Variants in EPB41L4B observed in about 807,000 individuals in gnomAD.
EPB41L4B encodes the protein band 4.1-like protein 4B.
In EPB41L4B, 30 loss-of-function variants were observed where a neutral mutation model predicts 112.5. The ratio of observed to expected loss-of-function variants is 0.27; its 90% CI spans 0.20 to 0.36. EPB41L4B has a LOEUF of 0.36. EPB41L4B is among the 10% of genes least tolerant of loss of function. EPB41L4B has a pLI of 1.00. For synonymous variants in EPB41L4B, 408 were observed against 439.7 expected (o/e 0.93, Z 0.90); for missense variants, 1,024 against 1,133.3 (o/e 0.90, Z 1.38).
chr9:109,277,182 C>T (rs1183505555), intron 2 of EPB41L4B, among the ~76,000 whole-genome samples: 2 of 152,078 alleles, frequency 1.3e-5, no homozygotes, highest in Admixed American at 6.5e-5. Context: ...AAGAAGAGGG[C>T]TGGAGAGTGG....
intron 16 of EPB41L4B, among the ~76,000 whole-genome samples, chr9:109,215,349 G>C (rs995004482): frequency 2.6e-5 from 4 of 151,810 alleles, no homozygotes; most frequent in Non-Finnish European, 5.9e-5. Flanking sequence ...GCACCATCTC[G>C]GCTCACTGCA....
intron 15 of EPB41L4B, among the ~76,000 whole-genome samples, chr9:109,232,410 T>C (rs1833985238): frequency 6.6e-6 from 1 of 152,152 alleles, no homozygotes; most frequent in Non-Finnish European, 1.5e-5. Flanking sequence ...ACCACTTGTT[T>C]AAATACATCC....
intron 1 of EPB41L4B, among the ~76,000 whole-genome samples, chr9:109,280,412 C>CT (rs1454505355): frequency 6.6e-6 from 1 of 152,182 alleles, no homozygotes; most frequent in Non-Finnish European, 1.5e-5. Flanking sequence ...AGGTCACAGG[C>CT]CATAACCAGG....
At chr9:109,265,245 G>A (rs1014888180) in intron 4 of EPB41L4B, among the ~76,000 whole-genome samples, 2 of 152,204 alleles carry the variant, frequency 1.3e-5, no homozygotes, top group Admixed American at 6.5e-5. Context: ...TGGGGAACTC[G>A]CAAGATACTT....
At chr9:109,247,578 GCTCTT>G (rs1249163486) in intron 14 of EPB41L4B, among the ~76,000 whole-genome samples, 173 bp downstream of exon 14, 2 of 151,920 alleles carry the variant, frequency 1.3e-5, no homozygotes, top group East Asian at 1.9e-4. Context: ...GAAGGAAAGG[GCTCTT>G]CTCTTACCAT....
intron 7 of EPB41L4B, among the ~76,000 whole-genome samples, chr9:109,257,054 C>A (rs1002482901): frequency 6.6e-6 from 1 of 152,242 alleles, no homozygotes; most frequent in African/African-American, 2.4e-5. Flanking sequence ...AGACTACAGG[C>A]TGCCAATGAT....
At chr9:109,281,352 G>T (rs1328494536) in intron 1 of EPB41L4B, among the ~76,000 whole-genome samples, 1 of 152,172 alleles carries the variant, frequency 6.6e-6, no homozygotes, top group African/African-American at 2.4e-5. Context: ...CACTAGTCAT[G>T]AGGGAAATGC....
chr9:109,230,726 T>C (rs1030562529), intron 15 of EPB41L4B, among the ~76,000 whole-genome samples: 1 of 152,238 alleles, frequency 6.6e-6, no homozygotes, highest in Non-Finnish European at 1.5e-5. Flanking sequence ...GAAAATTGTA[T>C]CGACATCTTA....
At chr9:109,308,889 C>T (rs538198222) in intron 1 of EPB41L4B, among the ~76,000 whole-genome samples, 10 of 152,174 alleles carry the variant, frequency 6.6e-5, no homozygotes, top group Admixed American at 2.0e-4. Context: ...ACCAGCCTGG[C>T]CAACATGGTG....
intron 20 of EPB41L4B, among the ~76,000 whole-genome samples, chr9:109,197,690 T>C (rs921144484): frequency 6.6e-6 from 1 of 151,648 alleles, no homozygotes; most frequent in Non-Finnish European, 1.5e-5. Context: ...CATGGTGTCA[T>C]GTGCCTGTAG....
Position 109,270,703 on chromosome 9 carries a change from C to A in EPB41L4B, c.412-2270G>T, listed in dbSNP as rs143272247. On this transcript the variant is annotated intron_variant, in intron 2 of 25. Coordinates refer to ENST00000374566, the MANE Select transcript of EPB41L4B (RefSeq NM_019114.5). The stretch of plus-strand genomic sequence containing the variant: ...GGAGCTTGTTCCATTTCTTTCCTTT[C>A]TTTAGTCTTCTCACCACCATGTTGA... Among the ~76,000 whole-genome samples the A allele has an allele frequency of 1.8e-3, 269 of 152,314 alleles. 1 individual carries two copies. Among genetic ancestry groups the A allele is most frequent in the African/African-American group, 6.3e-3 (260 of 41,570 alleles).
intron 1 of EPB41L4B, among the ~76,000 whole-genome samples, chr9:109,312,069 T>G (rs541239719): frequency 1.3e-5 from 2 of 152,286 alleles, no homozygotes; most frequent in African/African-American, 4.8e-5. Context: ...AAGAGTTGAA[T>G]TTAAGTATTC....
chr9:109,301,007 C>T (rs945303168), intron 1 of EPB41L4B: 1 of 152,222 alleles, frequency 6.6e-6, no homozygotes, highest in Admixed American at 6.5e-5. Flanking sequence ...TACCTATACT[C>T]ATAGCCACCA....
intron 1 of EPB41L4B, among the ~76,000 whole-genome samples, chr9:109,312,459 G>C (rs759561955): frequency 6.6e-6 from 1 of 152,088 alleles, no homozygotes; most frequent in Non-Finnish European, 1.5e-5. Flanking sequence ...CCCTTTGGGG[G>C]CTCAGGGGTC....
intron 17 of EPB41L4B, among the ~76,000 whole-genome samples, chr9:109,211,382 GC>G (rs1833161238): frequency 6.6e-6 from 1 of 151,946 alleles, no homozygotes; most frequent in Non-Finnish European, 1.5e-5. Flanking sequence ...ATCACTTGAG[GC>G]CAGGAGTTCA....
At chr9:109,227,642 C>T (rs981196697) in intron 15 of EPB41L4B, among the ~76,000 whole-genome samples, 1 of 151,524 alleles carries the variant, frequency 6.6e-6, no homozygotes, top group Non-Finnish European at 1.5e-5. Context: ...GGTGCAGTGG[C>T]GTGATCTCGG....
At chr9:109,243,715 T>G in intron 14 of EPB41L4B, 33 bp from the exon 15 acceptor site, 1 of 1,603,040 alleles carries the variant, frequency 6.2e-7, no homozygotes, top group Admixed American at 1.7e-5. Context: ...GATTATTTGA[T>G]GACCTTTTAA....
rs370127306 is a variant in EPB41L4B, at chr9:109,230,121, G to A, written c.1410-12976C>T. ...AAAATCTAACATTTTTGAGTGCCCA[G>A]TACTTCACCATCAGTTAACTTAATC... On this transcript the variant is annotated intron_variant, in intron 15 of 25. Coordinates refer to ENST00000374566, the MANE Select transcript of EPB41L4B (RefSeq NM_019114.5). Among the ~76,000 whole-genome samples the A allele has an allele frequency of 1.0e-3, 154 of 152,294 alleles. 3 individuals carry two copies. In the South Asian group the frequency reaches 0.021, roughly 21 times the overall value.
intron 11 of EPB41L4B, among the ~76,000 whole-genome samples, chr9:109,254,917 G>A (rs1238790006): frequency 6.6e-6 from 1 of 152,240 alleles, no homozygotes. Context: ...AGGCAATACA[G>A]TAGCAGTTAG....
Sources: allele counts gnomAD v4.1 joint callset (sites outside exome capture counted in the v4.1 genomes callset), GRCh38; gene constraint gnomAD v4.1.1; transcripts MANE v1.5; gene names NCBI Gene and HGNC (gene_info 2026-07-23, HGNC 2026-07-21).